KANK1: variants seen among roughly 807,000 people sequenced by gnomAD.
KANK1 encodes KN motif and ankyrin repeat domain-containing protein 1.
KANK1 carries 109 observed loss-of-function variants against 106.2 expected under a neutral mutation model. The ratio of observed to expected loss-of-function variants is 1.03; its 90% CI spans 0.88 to 1.20. The LOEUF (loss-of-function observed/expected upper bound fraction) is 1.20, where lower values mean the gene tolerates loss of function less well. Ranked by LOEUF, KANK1 falls within the 50% of genes most tolerant of loss-of-function variation. KANK1 has a pLI of 0.00. For missense variants in KANK1, 2,399 were observed against 1,710.7 expected (o/e 1.40, Z -7.10); for synonymous variants, 873 against 652.2 (o/e 1.34, Z -5.16).
At chr9:615,806 A>C (rs1831676551) in intron 1 of KANK1, among the ~76,000 whole-genome samples, 1 of 152,346 alleles carries the variant, frequency 6.6e-6, no homozygotes, top group South Asian at 2.1e-4. Context: ...AGTGATACCT[A>C]ACCTAGCTAA....
rs896827635 is a variant in KANK1, at chr9:646,457, C to G, written c.-83-30433C>G. Reference sequence around the variant, plus strand: ...AAGCTTTCCCAATGGTACATGAGTTCTCTCTCTAATTATATCTTCTGTATT... The same window carrying G: ...AAGCTTTCCCAATGGTACATGAGTTGTCTCTCTAATTATATCTTCTGTATT... On this transcript the variant is annotated intron_variant, in intron 1 of 11. Transcript: ENST00000382297. 6.0e-5 allele frequency among the ~76,000 whole-genome samples: 9 copies of G among 151,032 alleles called. No homozygotes were observed. The East Asian group carries it at 1.7e-3, about 29-fold the overall frequency.
intron 3 of KANK1, among the ~76,000 whole-genome samples, chr9:726,793 C>G (rs189978040): frequency 1.8e-4 from 28 of 151,924 alleles, no homozygotes; most frequent in Middle Eastern, 3.4e-3. Flanking sequence ...AACCCCGTCT[C>G]TACTAACAAT....
At chr9:587,248 A>G (rs778332581) in intron 1 of KANK1, among the ~76,000 whole-genome samples, 3 of 152,010 alleles carry the variant, frequency 2.0e-5, no homozygotes, top group Non-Finnish European at 2.9e-5. Context: ...TTATGCTCCA[A>G]TGATCTGTTC....
chr9:537,469 T>C (rs1444101165), intron 1 of KANK1, among the ~76,000 whole-genome samples: 1 of 152,234 alleles, frequency 6.6e-6, no homozygotes, highest in Non-Finnish European at 1.5e-5. Flanking sequence ...GATAATTGTC[T>C]CTCAAGTGTT....
intron 1 of KANK1, among the ~76,000 whole-genome samples, chr9:603,805 C>G (rs764683247): frequency 4.0e-5 from 6 of 151,186 alleles, no homozygotes; most frequent in African/African-American, 1.2e-4. Flanking sequence ...ACTAAAAATA[C>G]AAAAATTAGC....
At chr9:561,966 A>G (rs1816567077) in intron 1 of KANK1, among the ~76,000 whole-genome samples, 1 of 152,238 alleles carries the variant, frequency 6.6e-6, no homozygotes, top group African/African-American at 2.4e-5. Flanking sequence ...TAGAAATAGT[A>G]AAGGAATCTT....
chr9:556,484 T>A (rs1367779188), intron 1 of KANK1, among the ~76,000 whole-genome samples: 4 of 152,214 alleles, frequency 2.6e-5, no homozygotes, highest in Admixed American at 6.5e-5. Context: ...CTTATAATTA[T>A]TAAAGTGCTA....
intron 1 of KANK1, among the ~76,000 whole-genome samples, chr9:668,537 G>T (rs957951243): frequency 1.3e-5 from 2 of 152,038 alleles, no homozygotes; most frequent in African/African-American, 2.4e-5. Flanking sequence ...TGGTTGTTTT[G>T]TAACTCTTCT....
intron 1 of KANK1, among the ~76,000 whole-genome samples, chr9:652,365 A>G (rs1047582009): frequency 2.0e-5 from 3 of 152,144 alleles, no homozygotes; most frequent in African/African-American, 4.8e-5. Context: ...TACTAAAAAT[A>G]CAAAAAAATT....
rs754113909 is a variant in KANK1 at position 588,079 on chromosome 9, AGAAAG to A, written c.-84+83326_-84+83330del. On this transcript the variant is annotated intron_variant, in intron 1 of 11. Coordinates refer to ENST00000382297, the MANE Select transcript of KANK1 (RefSeq NM_015158.5). ...AGACTTGGTCTCAAGAAAAAAAAAAAGAAAGAAAGAAAGAAATGACTTGCCCATGT... is the reference window on the plus strand; with the variant it reads ...AGACTTGGTCTCAAGAAAAAAAAAAAAAAGAAAGAAATGACTTGCCCATGT... Among the ~76,000 whole-genome samples, 16 of 146,782 alleles carry A rather than the reference AGAAAG, an allele frequency of 1.1e-4. No individual in the cohort carries two copies. The South Asian group carries it at 1.3e-3, about 12-fold the overall frequency.
At chr9:643,380 T>A (rs1838908315) in intron 1 of KANK1, among the ~76,000 whole-genome samples, 1 of 150,884 alleles carries the variant, frequency 6.6e-6, no homozygotes, top group Admixed American at 6.6e-5. Context: ...AACTCTTAAA[T>A]GTTTTTTTGC....
intron 1 of KANK1, among the ~76,000 whole-genome samples, chr9:584,196 A>G (rs1335755414): frequency 6.6e-6 from 1 of 152,220 alleles, no homozygotes; most frequent in African/African-American, 2.4e-5. Context: ...GAAAGCATAC[A>G]AGACTATTAA....
intron 2 of KANK1, among the ~76,000 whole-genome samples, chr9:706,518 G>A (rs1824200488): frequency 6.8e-6 from 1 of 147,824 alleles, no homozygotes; most frequent in Non-Finnish European, 1.5e-5. Context: ...CCACTTGATG[G>A]TAGGATCTGA....
At chr9:732,005 C>T (rs1472543867) in intron 5 of KANK1, 1 of 175,104 alleles carries the variant, frequency 5.7e-6, no homozygotes, top group African/African-American at 2.4e-5. Flanking sequence ...TAATCTATTC[C>T]CCTTGATACT....
chr9:506,793 C>T (rs902159640), intron 1 of KANK1, among the ~76,000 whole-genome samples: 1 of 151,966 alleles, frequency 6.6e-6, no homozygotes, highest in African/African-American at 2.4e-5. Flanking sequence ...GGAAAAGGAT[C>T]TAGTTGGGGG....
intron 3 of KANK1, among the ~76,000 whole-genome samples, chr9:727,370 C>T (rs1830964222): frequency 6.6e-6 from 1 of 151,690 alleles, no homozygotes; most frequent in Non-Finnish European, 1.5e-5. Context: ...GGCTGGAGTG[C>T]AGTGGGACGA....
chr9:716,567 C>T (rs1827746490), intron 3 of KANK1, among the ~76,000 whole-genome samples: 1 of 152,152 alleles, frequency 6.6e-6, no homozygotes, highest in Non-Finnish European at 1.5e-5. Flanking sequence ...AGTCCAGAGT[C>T]ATTCAGAATC....
chr9:725,687 G>A (rs1304527942), intron 3 of KANK1, among the ~76,000 whole-genome samples: 3 of 152,124 alleles, frequency 2.0e-5, no homozygotes, highest in African/African-American at 7.2e-5. Flanking sequence ...ACTGCAGAAT[G>A]ATCTCCTGGC....
intron 10 of KANK1, among the ~76,000 whole-genome samples, chr9:743,419 C>T (rs1440049774): frequency 6.6e-6 from 1 of 152,218 alleles, no homozygotes; most frequent in Non-Finnish European, 1.5e-5. Context: ...TGACCGACTT[C>T]TTTCTTCCAG....
Sources: gnomAD v4.1 joint callset for allele counts (sites outside exome capture counted in the v4.1 genomes callset) on GRCh38, gnomAD v4.1.1 for gene constraint, MANE v1.5 for transcripts, NCBI Gene and HGNC (gene_info 2026-07-23, HGNC 2026-07-21) for gene names.